The following CA10 variants were observed in gnomAD, a reference collection of about 807,000 sequenced individuals.
The protein encoded by CA10 is carbonic anhydrase-related protein 10.
CA10 carries 14 observed loss-of-function variants against 44.2 expected under a neutral mutation model. That is an observed-to-expected ratio of 0.32 (90% confidence interval 0.21 to 0.50). CA10 has a LOEUF of 0.50. Ranked by LOEUF, CA10 falls within the 20% of genes least tolerant of loss-of-function variation. CA10 has a pLI of 0.99. For missense variants in CA10, 350 were observed against 409.7 expected, an observed-to-expected ratio of 0.85 and a Z score of 1.26; for synonymous variants, 159 against 141.6, an observed-to-expected ratio of 1.12 and a Z score of -0.87.
At chr17:52,101,491 A>G (rs1334249043) in intron 1 of CA10, among the ~76,000 whole-genome samples, 1 of 152,210 alleles carries the variant, frequency 6.6e-6, no homozygotes, top group East Asian at 1.9e-4. Context: ...AGCGAGGGCC[A>G]CCACTAGAAA....
intron 2 of CA10, among the ~76,000 whole-genome samples, chr17:52,065,343 A>T (rs1987505113): frequency 6.6e-6 from 1 of 152,196 alleles, no homozygotes; most frequent in African/African-American, 2.4e-5. Context: ...TTTATAACTC[A>T]ATTTAAGGGT....
At position 52,031,403 on chromosome 17, in the gene CA10, G is replaced by A. The variant is rs571638180; in HGVS notation, c.136+40916C>T. 7.2e-5 allele frequency among the ~76,000 whole-genome samples: 11 copies of A among 152,150 alleles called. No individual in the cohort carries two copies. In the South Asian group the frequency reaches 2.1e-3, roughly 29 times the overall value. On this transcript the variant is annotated intron_variant, in intron 2 of 8. Transcript: ENST00000451037. Reference sequence around the variant, plus strand: ...GACCTCAAGTGATCCACCCACCTCGGCCTCCCAAAGTGCTGGGATTACAGG... The same window carrying A: ...GACCTCAAGTGATCCACCCACCTCGACCTCCCAAAGTGCTGGGATTACAGG...
At chr17:51,799,258 A>G (rs1906835818) in intron 3 of CA10, among the ~76,000 whole-genome samples, 1 of 152,220 alleles carries the variant, frequency 6.6e-6, no homozygotes, top group African/African-American at 2.4e-5. Context: ...CTGCAAAATA[A>G]ATAACCATAA....
At chr17:51,773,586 G>T (rs1215901801) in intron 3 of CA10, among the ~76,000 whole-genome samples, 1 of 152,220 alleles carries the variant, frequency 6.6e-6, no homozygotes, top group Non-Finnish European at 1.5e-5. Flanking sequence ...CTTATAATCA[G>T]TGTGACCACG....
intron 1 of CA10, among the ~76,000 whole-genome samples, chr17:52,115,046 C>G (rs564809706): frequency 4.6e-5 from 7 of 152,310 alleles, no homozygotes; most frequent in Non-Finnish European, 1.0e-4. Context: ...GATAAGGGAA[C>G]CTGCACAGGG....
At chr17:51,881,242 GAAA>G (rs11423498) in intron 3 of CA10, among the ~76,000 whole-genome samples, 21 of 123,710 alleles carry the variant, frequency 1.7e-4, no homozygotes, top group African/African-American at 5.4e-4. Context: ...TCCGTCTCAA[GAAA>G]AAAAAAAAAA....
intron 4 of CA10, among the ~76,000 whole-genome samples, chr17:51,700,203 G>A (rs1312173504): frequency 6.6e-6 from 1 of 152,188 alleles, no homozygotes; most frequent in African/African-American, 2.4e-5. Flanking sequence ...TCTTAGCCGG[G>A]TTGCTGCAGT....
At chr17:51,897,045 C>G (rs543838288) in intron 3 of CA10, among the ~76,000 whole-genome samples, 1 of 151,934 alleles carries the variant, frequency 6.6e-6, no homozygotes, top group African/African-American at 2.4e-5. Context: ...TTGATAGTTT[C>G]TTTTGCTGTT....
chr17:52,135,454 A>G (rs946852675), intron 1 of CA10, among the ~76,000 whole-genome samples: 1 of 152,124 alleles, frequency 6.6e-6, no homozygotes, highest in Non-Finnish European at 1.5e-5. Flanking sequence ...TTTTTTGTAC[A>G]TGGGACCCAC....
chr17:51,888,827 G>T (rs1980728223), intron 3 of CA10, among the ~76,000 whole-genome samples: 1 of 152,136 alleles, frequency 6.6e-6, no homozygotes, highest in Admixed American at 6.5e-5. Flanking sequence ...AAATTCAGTG[G>T]CTTAAAATAG....
At chr17:51,808,826 A>G (rs994160024) in intron 3 of CA10, among the ~76,000 whole-genome samples, 2 of 152,218 alleles carry the variant, frequency 1.3e-5, no homozygotes, top group African/African-American at 4.8e-5. Context: ...GAACTAGAGT[A>G]TATTGTTATT....
chr17:52,064,445 T>C (rs923704351), intron 2 of CA10, among the ~76,000 whole-genome samples: 2 of 152,180 alleles, frequency 1.3e-5, no homozygotes, highest in Non-Finnish European at 2.9e-5. Context: ...ATGAAGAGCA[T>C]GCACAGCCCC....
chr17:51,874,912 G>A (rs943513055), intron 3 of CA10, among the ~76,000 whole-genome samples: 3 of 152,020 alleles, frequency 2.0e-5, no homozygotes, highest in African/African-American at 7.3e-5. Context: ...GTATAGGGTA[G>A]GGTGAGGGGT....
At chr17:51,667,463 T>C (rs1219809179) in intron 4 of CA10, among the ~76,000 whole-genome samples, 2 of 152,134 alleles carry the variant, frequency 1.3e-5, no homozygotes, top group East Asian at 3.9e-4. Flanking sequence ...TATATGTGTG[T>C]GTACTGCCCA....
intron 2 of CA10, among the ~76,000 whole-genome samples, chr17:51,982,055 A>C (rs16950905): frequency 0.023 from 3,560 of 152,176 alleles, 117 homozygotes; most frequent in Admixed American, 0.098. Flanking sequence ...GTGGAACTAC[A>C]TTCTTAATCA....
At chr17:52,022,490 C>G (rs1986173854) in intron 2 of CA10, among the ~76,000 whole-genome samples, 1 of 151,998 alleles carries the variant, frequency 6.6e-6, no homozygotes, top group Non-Finnish European at 1.5e-5. Flanking sequence ...AACCCACAGC[C>G]AACACCATAA....
At chr17:51,695,828 AG>A (rs1225963695) in intron 4 of CA10, among the ~76,000 whole-genome samples, 1 of 151,984 alleles carries the variant, frequency 6.6e-6, no homozygotes, top group Non-Finnish European at 1.5e-5. Flanking sequence ...TATTATTTTG[AG>A]GTATGTTTCT....
At chr17:51,952,544 G>C (rs1298220646) in intron 2 of CA10, among the ~76,000 whole-genome samples, 2 of 89,362 alleles carry the variant, frequency 2.2e-5, no homozygotes, top group Admixed American at 1.4e-4. Flanking sequence ...GACAGAGAGG[G>C]ACCCTGTCTC....
At chr17:51,672,251 A>G (rs879663864) in intron 4 of CA10, among the ~76,000 whole-genome samples, 6 of 152,208 alleles carry the variant, frequency 3.9e-5, no homozygotes, top group Non-Finnish European at 8.8e-5. Context: ...CACCACCACG[A>G]TGATGGCTCA....
Sources: gnomAD v4.1 joint callset for allele counts (sites outside exome capture counted in the v4.1 genomes callset) on GRCh38, gnomAD v4.1.1 for gene constraint, MANE v1.5 for transcripts, NCBI Gene and HGNC (gene_info 2026-07-23, HGNC 2026-07-21) for gene names.